The following CENPF variants were observed in gnomAD, a reference collection of about 807,000 sequenced individuals.
CENPF encodes centromere protein F, also known as AH antigen.
Under a neutral mutation model 307.3 loss-of-function variants are expected in CENPF, and 214 were observed. That is an observed-to-expected ratio of 0.70 (90% CI 0.62 to 0.78). The LOEUF is 0.78. Ranked by LOEUF, CENPF falls within the 30% of genes least tolerant of loss-of-function variation. The probability of loss-of-function intolerance (pLI) is 0.00; values close to 1 mark genes in which losing one functional copy is unlikely to be tolerated. For missense variants in CENPF, 3,401 were observed against 3,483.9 expected (o/e 0.98, Z 0.60); for synonymous variants, 1,259 against 1,270.6 (o/e 0.99, Z 0.19).
At chr1:214,653,200 C>T in intron 16 of CENPF, 1 of 514,488 alleles carries the variant, frequency 1.9e-6, no homozygotes, top group Admixed American at 2.9e-5. Flanking sequence ...TATCCATTGC[C>T]TCATGCATCC....
Position 214,630,583 on chromosome 1 carries a change from T to C in CENPF, c.1244T>C (p.Ile415Thr). The C allele has an allele frequency of 6.2e-7, 1 of 1,614,020 alleles. No homozygotes were observed. The highest frequency in any genetic ancestry group is 8.5e-7 in the Non-Finnish European group (1 of 1,179,980). ...RSFQTLDQECIQMKARLTQEL... is the reference protein window; with the variant it reads ...RSFQTLDQECTQMKARLTQEL... Reference sequence around the variant, plus strand: ...TTCCAAACACTGGACCAGGAGTGCATCCAGATGAAGGCCAGACTCACCCAG... The same window carrying C: ...TTCCAAACACTGGACCAGGAGTGCACCCAGATGAAGGCCAGACTCACCCAG... The change falls in exon 9 of 20, where the codon ATC (isoleucine) becomes ACC (threonine). Residue 415 changes from isoleucine (I) to threonine (T), a missense_variant. Coordinates refer to ENST00000366955, the MANE Select transcript of CENPF (RefSeq NM_016343.4).
rs1441249500 is a variant in CENPF, at chr1:214,640,718, C to T, written c.2380C>T (p.His794Tyr). 5 of 1,613,958 alleles carry T rather than the reference C, an allele frequency of 3.1e-6. No individual in the cohort carries two copies. The highest frequency in any genetic ancestry group is 2.2e-5 in the South Asian group (2 of 91,078). Residue 794 changes from histidine to tyrosine, a missense_variant, in exon 12 of 20, where the codon CAT becomes TAT. Physicochemically the swap from His to Tyr is moderately conservative, Grantham distance 83. Transcript: ENST00000366955. ...GGCTTTTGATCAGCAGCCTGCCATGCATCATTCCTTTGCAAATATAATTGG... is the reference window on the plus strand; with the variant it reads ...GGCTTTTGATCAGCAGCCTGCCATGTATCATTCCTTTGCAAATATAATTGG... ...LLAFDQQPAM[H>Y]HSFANIIGEQ... is the part of the protein sequence containing the mutation.
Position 214,652,930 on chromosome 1 carries a change from G to C in CENPF, c.8263G>C (p.Glu2755Gln), listed in dbSNP as rs1322055742. Residue 2755 changes from glutamate (E) to glutamine (Q), a missense_variant, in exon 16 of 20, where the codon GAG becomes CAG. Physicochemically the swap from Glu to Gln is conservative, Grantham distance 29. Coordinates refer to ENST00000366955, the MANE Select transcript of CENPF (RefSeq NM_016343.4). ...EIDLLKSSKE[E>Q]LNNSLKATTQ... ...AGACCTTTTAAAGTCTAGTAAAGAAGAGCTCAATAATTCATTGAAAGCTAC... is the reference window on the plus strand; with the variant it reads ...AGACCTTTTAAAGTCTAGTAAAGAACAGCTCAATAATTCATTGAAAGCTAC... 6.2e-7 allele frequency: 1 copy of C among 1,608,588 alleles called. No individual in the cohort carries two copies. The highest frequency in any genetic ancestry group is 8.5e-7 in the Non-Finnish European group (1 of 1,178,332).
chr1:214,652,116 A>G (rs927860657), intron 15 of CENPF, among the ~76,000 whole-genome samples: 2 of 145,424 alleles, frequency 1.4e-5, no homozygotes, highest in Admixed American at 6.8e-5. Context: ...TCGCACTGCA[A>G]GCTCCGTCTC....
Position 214,641,121 on chromosome 1 carries a change from A to G in CENPF, c.2783A>G (p.Gln928Arg). 6.3e-7 allele frequency: 1 copy of G among 1,580,646 alleles called. No homozygotes were observed. The highest frequency in any genetic ancestry group is 8.5e-7 in the Non-Finnish European group (1 of 1,171,674). Residue 928 changes from glutamine to arginine, a missense_variant, in exon 12 of 20, where the codon CAA (glutamine) becomes CGA (arginine). Transcript: ENST00000366955. ...DKVETEQAEI[Q>R]ELKKSNHLLE... ...GTAGAAACTGAGCAGGCAGAGATTC[A>G]AGAATTAAAAAAGAGCAACCATCTA...
intron 2 of CENPF, 49 bp from the exon 3 acceptor site, chr1:214,614,783 T>C (rs1657290320): frequency 7.6e-7 from 1 of 1,309,698 alleles, no homozygotes; most frequent in African/African-American, 1.5e-5. Flanking sequence ...TAATACTTGG[T>C]AAATTCACAA....
Position 214,640,111 on chromosome 1 carries a change from A to G in CENPF, c.1773A>G (p.Thr591=). ...IEQLNDKLSK[T]EKESKALLSA... ...AACTTAATGATAAGTTAAGCAAGAC[A>G]GAGAAAGAGTCCAAAGCCTTGCTGA... The change falls in exon 12 of 20, where the codon ACA becomes ACG. Residue 591 remains threonine (T), a synonymous_variant. Coordinates refer to ENST00000366955, the MANE Select transcript of CENPF (RefSeq NM_016343.4). 1 of 1,587,448 alleles carries G rather than the reference A, an allele frequency of 6.3e-7. No individual in the cohort carries two copies. Among genetic ancestry groups the G allele is most frequent in the South Asian group, 1.2e-5 (1 of 84,836 alleles).
At chr1:214,606,123 C>T (rs1356359496) in intron 1 of CENPF, 7 of 1,539,694 alleles carry the variant, frequency 4.5e-6, no homozygotes, top group African/African-American at 4.1e-5. Flanking sequence ...CCGACGCGCG[C>T]GCACCCTTCC....
Position 214,622,293 on chromosome 1 carries a change from T to C in CENPF, c.1068+12T>C, listed in dbSNP as rs1381801145. 3.8e-6 allele frequency: 6 copies of C among 1,579,564 alleles called. No individual in the cohort carries two copies. The highest frequency in any genetic ancestry group is 2.6e-6 in the Non-Finnish European group (3 of 1,163,296). The stretch of plus-strand genomic sequence containing the variant: ...AGGCGTCAACCAAGGTACTTGACTT[T>C]TCGTGAATTACTGGAGAAATCTTCA... On this transcript the variant is annotated intron_variant, in intron 7 of 19. Coordinates refer to ENST00000366955, the MANE Select transcript of CENPF (RefSeq NM_016343.4).
rs571184767 is a variant in CENPF, at chr1:214,655,467, G to A, written c.8485+64G>A. The A allele has an allele frequency of 5.0e-6, 7 of 1,387,168 alleles. No homozygotes were observed. In the African/African-American group the frequency reaches 5.8e-5, roughly 12 times the overall value. The allele number at this position is 1,387,168 out of a possible 1,614,324, so 85.9% of individuals were successfully genotyped here. ...TTTTCCAGTAGTGAAATAACATATG[G>A]TATGCGTGCATAGGAACTATTTTTA... On this transcript the variant is annotated intron_variant, in intron 17 of 19. Coordinates refer to ENST00000366955, the MANE Select transcript of CENPF (RefSeq NM_016343.4).
chr1:214,625,168 G>A (rs1214393606), intron 7 of CENPF, among the ~76,000 whole-genome samples: 2 of 151,734 alleles, frequency 1.3e-5, no homozygotes, highest in Admixed American at 6.6e-5. Flanking sequence ...GGCGACTTTC[G>A]TGTAGACAAC....
intron 14 of CENPF, among the ~76,000 whole-genome samples, chr1:214,649,316 G>A (rs73081588): frequency 0.016 from 2,439 of 152,274 alleles, 61 homozygotes; most frequent in African/African-American, 0.056. Context: ...CATTTCCATA[G>A]TAGATATTAC....
At chr1:214,617,484 T>G (rs1657392755) in intron 3 of CENPF, among the ~76,000 whole-genome samples, 1 of 152,226 alleles carries the variant, frequency 6.6e-6, no homozygotes, top group Non-Finnish European at 1.5e-5. Flanking sequence ...TTGGAAGAAT[T>G]GAGCCCTCTT....
rs974261016 is a variant in CENPF, at chr1:214,640,038, G to A, written c.1700G>A (p.Arg567Gln). Residue 567 changes from arginine to glutamine, a missense_variant, in exon 12 of 20, where the codon CGA becomes CAA. Coordinates refer to ENST00000366955, the MANE Select transcript of CENPF (RefSeq NM_016343.4). ...KLAVADLEKQ[R>Q]DCSQDLLKKR... is the part of the protein sequence containing the mutation. The stretch of plus-strand genomic sequence containing the variant: ...GCTGTGGCTGATCTGGAAAAGCAGC[G>A]AGATTGTTCTCAAGACCTTTTGAAG... 1 of 1,602,610 alleles carries A rather than the reference G, an allele frequency of 6.2e-7. No homozygotes were observed. Among genetic ancestry groups the A allele is most frequent in the Non-Finnish European group, 8.5e-7 (1 of 1,177,364 alleles).
rs771078142 is a variant in CENPF at position 214,622,233 on chromosome 1, G to A, written c.1020G>A (p.Arg340=). 19 of 1,614,038 alleles carry A rather than the reference G, an allele frequency of 1.2e-5. No homozygotes were observed. The Middle Eastern group carries it at 9.9e-4, about 84-fold the overall frequency. The part of the protein sequence containing the change: ...IEKEKVLNKC[R]DELVRTTAQY... ...AAGAGAAAGTTTTGAACAAATGTAG[G>A]GATGAACTAGTGAGAACAACAGCAC... The change falls in exon 7 of 20, where the codon AGG becomes AGA. Residue 340 remains arginine, a synonymous_variant. Coordinates refer to ENST00000366955, the MANE Select transcript of CENPF (RefSeq NM_016343.4).
chr1:214,634,099 C>T (rs550909841), intron 10 of CENPF, among the ~76,000 whole-genome samples: 35 of 152,304 alleles, frequency 2.3e-4, no homozygotes, highest in Middle Eastern at 3.4e-3. Context: ...AGGTCTGGTC[C>T]GTGAGCTGTA....
At chr1:214,656,307 AGTCTTCC>A (rs1335266872) in intron 17 of CENPF, among the ~76,000 whole-genome samples, 2 of 152,172 alleles carry the variant, frequency 1.3e-5, no homozygotes, top group Non-Finnish European at 2.9e-5. Flanking sequence ...GTGGGTCAAC[AGTCTTCC>A]CTGTTGGAAA....
rs759611636 is a variant in CENPF, at chr1:214,637,855, G to A, written c.1447-11G>A. On this transcript the variant is annotated splice_polypyrimidine_tract_variant and intron_variant, in intron 10 of 19. Coordinates refer to ENST00000366955, the MANE Select transcript of CENPF (RefSeq NM_016343.4). ...CGTTTTGGCTATAACCAATTAAAAT[G>A]TGTGTTTTAGGAAATGAAGAAGGAA... is the stretch of plus-strand genomic sequence containing the variant. The A allele has an allele frequency of 3.1e-6, 5 of 1,598,998 alleles. No individual in the cohort carries two copies. Among genetic ancestry groups the A allele is most frequent in the East Asian group, 2.2e-5 (1 of 44,556 alleles).
intron 18 of CENPF, among the ~76,000 whole-genome samples, chr1:214,658,069 C>A (rs1362505830): frequency 2.0e-5 from 3 of 152,192 alleles, no homozygotes; most frequent in Non-Finnish European, 4.4e-5. Flanking sequence ...CCTCTGCCCC[C>A]AAATATCAAA....
Sources: gnomAD v4.1 joint callset for allele counts (sites outside exome capture counted in the v4.1 genomes callset) on GRCh38, gnomAD v4.1.1 for gene constraint, MANE v1.5 for transcripts, NCBI Gene and HGNC (gene_info 2026-07-23, HGNC 2026-07-21) for gene names.